Variants in SH2B2 observed in about 807,000 individuals in gnomAD.
SH2B2 encodes the protein SH2B adapter protein 2.
A neutral mutation model predicts 35.7 loss-of-function variants in SH2B2; 37 were observed. The observed-to-expected ratio is 1.04, with a 90% CI of 0.80 to 1.36. SH2B2 has a LOEUF of 1.36. SH2B2 is among the 40% of genes most tolerant of loss of function. SH2B2 has a pLI of 0.00. For missense variants in SH2B2, 852 were observed against 817.7 expected (o/e 1.04, Z -0.51); for synonymous variants, 383 against 376.4 (o/e 1.02, Z -0.20).
chr7:102,316,313 C>T (rs577289000), intron 6 of SH2B2, among the ~76,000 whole-genome samples: 4 of 152,156 alleles, frequency 2.6e-5, no homozygotes, highest in South Asian at 2.1e-4. Flanking sequence ...TTTGGCTGGG[C>T]GCAGTGGCTC....
intron 1 of SH2B2, among the ~76,000 whole-genome samples, chr7:102,293,576 G>T (rs797025120): frequency 6.6e-6 from 1 of 151,890 alleles, no homozygotes; most frequent in Admixed American, 6.5e-5. Context: ...TGGTCTACCC[G>T]CCCAGTGCTC....
At chr7:102,287,844 G>A (rs1417242874) in intron 1 of SH2B2, among the ~76,000 whole-genome samples, 1 of 152,202 alleles carries the variant, frequency 6.6e-6, no homozygotes, top group East Asian at 1.9e-4. Context: ...TTCAGGGAGG[G>A]AAGTCTGCAG....
At position 102,301,291 on chromosome 7, in the gene SH2B2, C is replaced by T; in HGVS notation, c.729+12C>T. On this transcript the variant is annotated intron_variant, in intron 2 of 8. Transcript: ENST00000444095. ...TCGTGCCGCCCAAAGTGAGTTACCC[C>T]ATAATCCCACCTAGCCTGGGGGGAC... The T allele has an allele frequency of 6.3e-7, 1 of 1,598,326 alleles. No homozygotes were observed. Among genetic ancestry groups the T allele is most frequent in the Non-Finnish European group, 8.5e-7 (1 of 1,173,248 alleles).
At chr7:102,300,376 G>A in intron 1 of SH2B2, 146 bp from the exon 2 acceptor site, 1 of 1,060,810 alleles carries the variant, frequency 9.4e-7, no homozygotes, top group African/African-American at 1.7e-5. Flanking sequence ...TGGAATGGCT[G>A]CCTGCTGTAG....
At chr7:102,308,934 G>A (rs1793508489) in intron 4 of SH2B2, 28 bp downstream of exon 4, 2 of 1,569,628 alleles carry the variant, frequency 1.3e-6, no homozygotes, top group Non-Finnish European at 1.8e-6. Context: ...CCGAAGATGG[G>A]TGGACAGGCT....
intron 4 of SH2B2, among the ~76,000 whole-genome samples, chr7:102,310,576 C>T (rs1793581832): frequency 6.6e-6 from 1 of 152,170 alleles, no homozygotes. Context: ...GGATAGGCAG[C>T]CCGACAGGCT....
intron 4 of SH2B2, among the ~76,000 whole-genome samples, chr7:102,310,828 C>T (rs1012578462): frequency 1.3e-5 from 2 of 152,178 alleles, no homozygotes; most frequent in South Asian, 4.1e-4. Flanking sequence ...TTCGAGCTGG[C>T]AGGGTCCCAG....
At position 102,297,403 on chromosome 7, in the gene SH2B2, A is replaced by C. The variant is rs1040321234; in HGVS notation, c.-29-3119A>C. 6.6e-6 allele frequency among the ~76,000 whole-genome samples: 1 copy of C among 151,006 alleles called. No individual in the cohort carries two copies. Among genetic ancestry groups the C allele is most frequent in the Non-Finnish European group, 1.5e-5 (1 of 67,802 alleles). The stretch of plus-strand genomic sequence containing the variant: ...AGTGAGATCCCATCTCTACACACAC[A>C]CACACACACACACACACACACACAC... On this transcript the variant is annotated intron_variant, in intron 1 of 8. Coordinates refer to ENST00000444095, the MANE Select transcript of SH2B2 (RefSeq NM_001359228.2). This position sits in a 1 kb window ranked among gnomAD's most constrained non-coding sequence, Gnocchi z 4.3.
intron 8 of SH2B2, 41 bp downstream of exon 8, chr7:102,320,543 A>T: frequency 6.3e-7 from 1 of 1,593,076 alleles, no homozygotes; most frequent in Non-Finnish European, 8.6e-7. Flanking sequence ...ACTCAAGAAG[A>T]CTTCCCGTTG....
chr7:102,317,432 C>T, intron 7 of SH2B2, 37 bp downstream of exon 7: 4 of 1,514,268 alleles, frequency 2.6e-6, no homozygotes, highest in Non-Finnish European at 3.6e-6. Flanking sequence ...GTGCAGTGGC[C>T]AGCCCTGAGG....
chr7:102,288,897 G>C (rs1725621), intron 1 of SH2B2, among the ~76,000 whole-genome samples: 42,380 of 152,016 alleles, frequency 0.28, 5,891 homozygotes, highest in East Asian at 0.43. Flanking sequence ...TGCCTACCCA[G>C]CCTGGGTTGC....
At chr7:102,310,740 C>T (rs542167406) in intron 4 of SH2B2, among the ~76,000 whole-genome samples, 3 of 152,360 alleles carry the variant, frequency 2.0e-5, no homozygotes, top group East Asian at 1.9e-4. Flanking sequence ...GTAATCCCTC[C>T]TCCACCGCCC....
At chr7:102,294,916 G>A (rs1181518393) in intron 1 of SH2B2, among the ~76,000 whole-genome samples, 1 of 152,208 alleles carries the variant, frequency 6.6e-6, no homozygotes, top group South Asian at 2.1e-4. Context: ...GTGGCCTGCA[G>A]GGTTAGGTAG....
Position 102,300,873 on chromosome 7 carries a change from A to G in SH2B2, c.323A>G (p.Lys108Arg). ...EPELADTSAL[K>R]AAPYGHSRSS... ...GAGCTCGCGGACACCTCTGCACTCAAGGCGGCGCCCTACGGCCACTCGCGG... is the reference window on the plus strand; with the variant it reads ...GAGCTCGCGGACACCTCTGCACTCAGGGCGGCGCCCTACGGCCACTCGCGG... Residue 108 changes from lysine (K) to arginine (R), a missense_variant, in exon 2 of 9, where the codon AAG (lysine) becomes AGG (arginine). Physicochemically the swap from Lys to Arg is conservative, Grantham distance 26 (BLOSUM62 2). This residue lies in a region of SH2B2 where 294 missense variants were observed against 286.6 expected (regional missense o/e 1.03). Transcript: ENST00000444095. 1 of 1,462,128 alleles carries G rather than the reference A, an allele frequency of 6.8e-7. No homozygotes were observed. The highest frequency in any genetic ancestry group is 2.6e-5 in the East Asian group (1 of 38,812). The allele number at this position is 1,462,128 out of a possible 1,614,324, so 90.6% of individuals were successfully genotyped here. A position where few individuals can be genotyped will look rare whatever the true frequency, so the allele number is the denominator to read the frequency against.
chr7:102,299,861 T>G (rs1793076218), intron 1 of SH2B2, among the ~76,000 whole-genome samples: 1 of 152,178 alleles, frequency 6.6e-6, no homozygotes, highest in South Asian at 2.1e-4. Context: ...AGACTACTAT[T>G]TGGGGAGAGA....
chr7:102,299,614 T>G (rs987114488), intron 1 of SH2B2, among the ~76,000 whole-genome samples: 1 of 152,074 alleles, frequency 6.6e-6, no homozygotes. Context: ...GGAAAAATAG[T>G]TATGCGAATC....
At chr7:102,321,183 T>TGG in intron 8 of SH2B2, 116 bp from the exon 9 acceptor site, 1 of 909,406 alleles carries the variant, frequency 1.1e-6, no homozygotes, top group Non-Finnish European at 1.5e-6. Context: ...TCCGAGGACA[T>TGG]GGGCTGCAAC....
Position 102,320,500 on chromosome 7 carries a change from C to T in SH2B2, c.1565C>T (p.Pro522Leu), listed in dbSNP as rs1554558201. The change falls in exon 8 of 9, where the codon CCA (proline) becomes CTA (leucine). Residue 522 changes from proline to leucine, a missense_variant and splice_region_variant. Physicochemically the swap from Pro to Leu is moderately conservative, Grantham distance 98 (BLOSUM62 -3). This residue lies in a region of SH2B2 where 556 missense variants were observed against 514.5 expected (regional missense o/e 1.08). Transcript: ENST00000444095. ...RSYVRAQDPPPEPGPTPPAAP... is the reference protein window; with the variant it reads ...RSYVRAQDPPLEPGPTPPAAP... The stretch of plus-strand genomic sequence containing the variant: ...TATGTGCGGGCCCAGGACCCCCCAC[C>T]AGGTAAGATGCCGCCACCTGGCTGG... 1 of 1,610,952 alleles carries T rather than the reference C, an allele frequency of 6.2e-7. No homozygotes were observed. The highest frequency in any genetic ancestry group is 1.7e-5 in the Admixed American group (1 of 59,872).
Position 102,321,329 on chromosome 7 carries a change from C to T in SH2B2, c.1598C>T (p.Ala533Val), listed in dbSNP as rs1406061943. 6 of 1,431,334 alleles carry T rather than the reference C, an allele frequency of 4.2e-6. No individual in the cohort carries two copies. The African/African-American group carries it at 6.0e-5, about 14-fold the overall frequency. The allele number at this position is 1,431,334 out of a possible 1,614,324, so 88.7% of individuals were successfully genotyped here. The change falls in exon 9 of 9, where the codon GCG becomes GTG. Residue 533 changes from alanine to valine, a missense_variant. By Grantham distance (64) the Ala-to-Val change is moderately conservative. Around this residue, in one of 3 missense-constraint regions of SH2B2, gnomAD observed 556 missense variants for 514.5 expected, o/e 1.08. Coordinates refer to ENST00000444095, the MANE Select transcript of SH2B2 (RefSeq NM_001359228.2). ...GGCCCCACGCCCCCTGCCGCGCCCG[C>T]GTCCCCGGCCTGCTGGAGCGACTCG... ...EPGPTPPAAPASPACWSDSPG... is the reference protein window; with the variant it reads ...EPGPTPPAAPVSPACWSDSPG...
Sources: allele counts gnomAD v4.1 joint callset (sites outside exome capture counted in the v4.1 genomes callset), GRCh38; gene constraint gnomAD v4.1.1; regional missense constraint gnomAD v4.1.1; non-coding constraint Gnocchi (gnomAD v3.1); transcripts MANE v1.5; gene names NCBI Gene and HGNC (gene_info 2026-07-23, HGNC 2026-07-21).